The following YAF2 variants were observed in gnomAD, a reference collection of about 807,000 sequenced individuals.
YAF2 encodes the protein YY1-associated factor 2.
A neutral mutation model predicts 20.1 loss-of-function variants in YAF2; 7 were observed. The ratio of observed to expected loss-of-function variants is 0.35; its 90% CI spans 0.20 to 0.65. YAF2 has a LOEUF of 0.65. Among genes scored for constraint, YAF2 ranks in the 30% least tolerant of loss-of-function variants. The pLI, the probability that YAF2 is intolerant of heterozygous loss-of-function variation, is 0.69. For synonymous variants in YAF2, 74 were observed against 76.0 expected (o/e 0.97, Z 0.14); for missense variants, 151 against 219.2 (o/e 0.69, Z 1.96).
intron 2 of YAF2, among the ~76,000 whole-genome samples, chr12:42,215,062 TCTC>T (rs1450043630): frequency 6.6e-6 from 1 of 152,154 alleles, no homozygotes; most frequent in Non-Finnish European, 1.5e-5. Flanking sequence ...TGTGTCTTGT[TCTC>T]CTCTGTAACT....
rs181990949 is a variant in YAF2 at position 42,182,974 on chromosome 12, G to A, written c.153-21209C>T. 4.5e-3 allele frequency among the ~76,000 whole-genome samples: 690 copies of A among 152,032 alleles called. 5 individuals are homozygous for A. Among genetic ancestry groups the A allele is most frequent in the African/African-American group, 0.015 (640 of 41,456 alleles). On this transcript the variant is annotated intron_variant, in intron 2 of 3. Coordinates refer to ENST00000534854, the MANE Select transcript of YAF2 (RefSeq NM_005748.6). ...TCCTGTGCTCAGCAAGGCTATTGGCGCCATTTTTCCAACAGCATGTAAAAG... is the reference window on the plus strand; with the variant it reads ...TCCTGTGCTCAGCAAGGCTATTGGCACCATTTTTCCAACAGCATGTAAAAG...
chr12:42,223,325 AATAC>A (rs1352109810), intron 2 of YAF2, among the ~76,000 whole-genome samples: 2 of 138,556 alleles, frequency 1.4e-5, no homozygotes, highest in Non-Finnish European at 3.1e-5. Flanking sequence ...GTTTCTTTAA[AATAC>A]ATACACACAC....
chr12:42,234,069 G>GC lies in YAF2; in HGVS notation c.152+3529dup, dbSNP rs1020773394. 9.4e-5 allele frequency: 60 copies of GC among 634,984 alleles called. No homozygotes were observed. In the African/African-American group the frequency reaches 1.2e-3, roughly 12 times the overall value. 39.3% of individuals were successfully genotyped at this position (634,984 alleles called of 1,614,324 possible). A position where few individuals can be genotyped will look rare whatever the true frequency, so the allele number is the denominator to read the frequency against. ...ACCTGTAATCCCAGCTACCACAGAG[G>GC]CTGAGGCATGAGAATTGCTTGAACC... On this transcript the variant is annotated intron_variant, in intron 2 of 3. Transcript: ENST00000534854.
At chr12:42,227,888 G>C (rs1178703250) in intron 2 of YAF2, among the ~76,000 whole-genome samples, 1 of 142,586 alleles carries the variant, frequency 7.0e-6, no homozygotes, top group African/African-American at 2.6e-5. Flanking sequence ...CGTCCGGGAG[G>C]TGAGGGGCGC....
At chr12:42,169,431 T>C (rs1396105709) in intron 2 of YAF2, among the ~76,000 whole-genome samples, 1 of 152,176 alleles carries the variant, frequency 6.6e-6, no homozygotes, top group African/African-American at 2.4e-5. Context: ...TTCTTTTTTT[T>C]CGGAGACATA....
intron 2 of YAF2, among the ~76,000 whole-genome samples, chr12:42,174,649 G>A (rs1409146120): frequency 6.6e-6 from 1 of 152,036 alleles, no homozygotes; most frequent in Non-Finnish European, 1.5e-5. Context: ...CTAGAACTAG[G>A]GTGATTTTTT....
At chr12:42,173,328 C>A (rs534782571) in intron 2 of YAF2, among the ~76,000 whole-genome samples, 1 of 152,342 alleles carries the variant, frequency 6.6e-6, no homozygotes, top group South Asian at 2.1e-4. Flanking sequence ...CAACTCCTGG[C>A]AGGTGGTACC....
intron 2 of YAF2, among the ~76,000 whole-genome samples, chr12:42,217,848 C>A (rs573597322): frequency 6.6e-6 from 1 of 152,064 alleles, no homozygotes. Context: ...GACCTAGAGA[C>A]AAAGGAATGC....
At chr12:42,237,222 T>G (rs1370903841) in intron 2 of YAF2, among the ~76,000 whole-genome samples, 1 of 152,308 alleles carries the variant, frequency 6.6e-6, no homozygotes, top group East Asian at 1.9e-4. Context: ...TTACATCCTT[T>G]GCTCCTAAAG....
At chr12:42,179,339 G>A (rs545980949) in intron 2 of YAF2, among the ~76,000 whole-genome samples, 126 of 152,298 alleles carry the variant, frequency 8.3e-4, no homozygotes, top group African/African-American at 2.7e-3. Flanking sequence ...GCTTGGTGGC[G>A]TGAGCCAGTA....
intron 2 of YAF2, among the ~76,000 whole-genome samples, chr12:42,218,523 T>C (rs2067426764): frequency 6.6e-6 from 1 of 152,148 alleles, no homozygotes; most frequent in Non-Finnish European, 1.5e-5. Context: ...AATGTATGTG[T>C]CTTTTAAAAA....
At chr12:42,205,916 A>G in intron 2 of YAF2, 1 of 397,952 alleles carries the variant, frequency 2.5e-6, no homozygotes, top group Middle Eastern at 3.8e-4. Context: ...TGTAATTTCC[A>G]TTTTTTTAAT....
chr12:42,232,728 AAAC>A (rs1440378883), intron 2 of YAF2: 1 of 985,348 alleles, frequency 1.0e-6, no homozygotes, highest in Non-Finnish European at 1.2e-6. Flanking sequence ...TATGACAAGA[AAAC>A]AACGATGCTG....
intron 2 of YAF2, chr12:42,235,740 C>G: frequency 6.5e-7 from 1 of 1,534,824 alleles, no homozygotes. Flanking sequence ...ATTGGATCTA[C>G]AAGAGCTTAG....
intron 2 of YAF2, among the ~76,000 whole-genome samples, chr12:42,186,278 T>G (rs562904798): frequency 6.7e-6 from 1 of 150,194 alleles, no homozygotes; most frequent in Non-Finnish European, 1.5e-5. Flanking sequence ...AGCTTGAACC[T>G]GGGAGGCGGA....
chr12:42,194,957 AC>A (rs2066712109), intron 2 of YAF2, among the ~76,000 whole-genome samples: 1 of 152,242 alleles, frequency 6.6e-6, no homozygotes, highest in Non-Finnish European at 1.5e-5. Context: ...TTATAGACAT[AC>A]ATCAAACATG....
At chr12:42,210,856 A>C (rs959875236) in intron 2 of YAF2, 1 of 473,012 alleles carries the variant, frequency 2.1e-6, no homozygotes, top group Non-Finnish European at 3.6e-6. Context: ...AACATAAGGA[A>C]ATCATTAGAA....
intron 2 of YAF2, chr12:42,233,052 A>G (rs1040652749): frequency 9.1e-6 from 9 of 985,248 alleles, no homozygotes; most frequent in African/African-American, 1.7e-5. Context: ...TATGTCTAGT[A>G]TCCAACTCAG....
At chr12:42,165,769 C>T (rs1279679447) in intron 2 of YAF2, among the ~76,000 whole-genome samples, 1 of 140,362 alleles carries the variant, frequency 7.1e-6, no homozygotes, top group African/African-American at 2.7e-5. Flanking sequence ...CTGCGCCCGG[C>T]CAGGTTTTTT....
Sources: gnomAD v4.1 joint callset for allele counts (sites outside exome capture counted in the v4.1 genomes callset) on GRCh38, gnomAD v4.1.1 for gene constraint, MANE v1.5 for transcripts, NCBI Gene and HGNC (gene_info 2026-07-23, HGNC 2026-07-21) for gene names.